The following SEMA3E variants were observed in gnomAD, a reference collection of about 807,000 sequenced individuals.
SEMA3E encodes the protein semaphorin 3E.
A neutral mutation model predicts 93.6 loss-of-function variants in SEMA3E; 49 were observed. The observed-to-expected ratio is 0.52, with a 90% confidence interval of 0.42 to 0.66. The LOEUF is 0.66. Ranked by LOEUF, SEMA3E falls within the 30% of genes least tolerant of loss-of-function variation. SEMA3E has a pLI of 0.00. For synonymous variants in SEMA3E, 363 were observed against 330.7 expected, an observed-to-expected ratio of 1.10 and a Z score of -1.06; for missense variants, 906 against 964.8, an observed-to-expected ratio of 0.94 and a Z score of 0.81.
At chr7:83,609,313 G>A (rs1793196359) in intron 1 of SEMA3E, among the ~76,000 whole-genome samples, 2 of 151,722 alleles carry the variant, frequency 1.3e-5, no homozygotes, top group Non-Finnish European at 2.9e-5. Context: ...ATTATGATAC[G>A]GATCAGGCAC....
chr7:83,565,435 T>C (rs186164934), intron 1 of SEMA3E, among the ~76,000 whole-genome samples: 1 of 151,978 alleles, frequency 6.6e-6, no homozygotes, highest in Non-Finnish European at 1.5e-5. Context: ...GATGGGTCAA[T>C]AGGTGCAAGA....
At chr7:83,552,015 A>G (rs574911804) in intron 1 of SEMA3E, among the ~76,000 whole-genome samples, 40 of 152,354 alleles carry the variant, frequency 2.6e-4, no homozygotes, top group African/African-American at 9.4e-4. Flanking sequence ...TATACATGAA[A>G]AATGACTCAA....
intron 11 of SEMA3E, among the ~76,000 whole-genome samples, chr7:83,398,798 G>A (rs1788178155): frequency 6.6e-6 from 1 of 152,070 alleles, no homozygotes; most frequent in Admixed American, 6.6e-5. Flanking sequence ...TACAAAATTA[G>A]GCGGGCATGG....
Position 83,394,298 on chromosome 7 carries a change from C to T in SEMA3E, c.1499G>A (p.Arg500Gln), listed in dbSNP as rs752160300. 1.5e-5 allele frequency: 25 copies of T among 1,612,952 alleles called. No homozygotes were observed. The South Asian group carries it at 2.0e-4, about 13-fold the overall frequency. Residue 500 changes from arginine (R) to glutamine (Q), a missense_variant and splice_region_variant, in exon 13 of 17, where the codon CGG (arginine) becomes CAG (glutamine). Coordinates refer to ENST00000643230, the MANE Select transcript of SEMA3E (RefSeq NM_012431.3). The part of the protein sequence containing the change: ...PIISMEISSK[R>Q]QQLYIGSASA... Reference sequence around the variant, plus strand: ...CACACACACACACACAGAACTTACCCGCTTTGAAGAAATCTCCATAGAAAT... The same window carrying T: ...CACACACACACACACAGAACTTACCTGCTTTGAAGAAATCTCCATAGAAAT...
chr7:83,387,179 A>C, intron 14 of SEMA3E, 129 bp from the exon 15 acceptor site: 1 of 776,696 alleles, frequency 1.3e-6, no homozygotes, highest in Non-Finnish European at 2.1e-6. Context: ...ATGAAAAAAG[A>C]ATAAAATCCA....
intron 16 of SEMA3E, among the ~76,000 whole-genome samples, chr7:83,368,888 A>T (rs1406586395): frequency 1.3e-5 from 2 of 152,198 alleles, no homozygotes; most frequent in Non-Finnish European, 2.9e-5. Context: ...GTTAGAGTCA[A>T]ATATTGCCAC....
chr7:83,579,222 G>T (rs991163878), intron 1 of SEMA3E, among the ~76,000 whole-genome samples: 1 of 152,026 alleles, frequency 6.6e-6, no homozygotes, highest in Admixed American at 6.6e-5. Flanking sequence ...AAAATGATTG[G>T]TTATTTATTA....
chr7:83,602,242 C>G (rs1341588498), intron 1 of SEMA3E, among the ~76,000 whole-genome samples: 2 of 152,106 alleles, frequency 1.3e-5, no homozygotes, highest in Non-Finnish European at 2.9e-5. Context: ...AAGTAGATAA[C>G]ACCAATAAGA....
chr7:83,518,584 T>C (rs1790981941), intron 1 of SEMA3E, among the ~76,000 whole-genome samples: 1 of 152,166 alleles, frequency 6.6e-6, no homozygotes, highest in Non-Finnish European at 1.5e-5. Flanking sequence ...ATAAAGATGA[T>C]AGTATTTGCC....
In SEMA3E at chr7:83,462,712, T is replaced by A. The variant is rs563067915; in HGVS notation, c.456+3770A>T. ...CTGTTATCACTCGCCTGCTACAGCA[T>A]GTCCTTTTAAAGCCTATAAACTCTC... On this transcript the variant is annotated intron_variant, in intron 4 of 16. Coordinates refer to ENST00000643230, the MANE Select transcript of SEMA3E (RefSeq NM_012431.3). Among the ~76,000 whole-genome samples the A allele has an allele frequency of 3.3e-4, 50 of 150,034 alleles. 1 individual carries two copies. Among genetic ancestry groups the A allele is most frequent in the Admixed American group, 1.6e-3 (24 of 15,050 alleles).
chr7:83,593,232 C>A (rs1792788635), intron 1 of SEMA3E, among the ~76,000 whole-genome samples: 2 of 145,946 alleles, frequency 1.4e-5, no homozygotes, highest in East Asian at 4.3e-4. Context: ...CTCTCTCTCT[C>A]TCTCTTTCGC....
At chr7:83,620,309 G>A (rs188484562) in intron 1 of SEMA3E, among the ~76,000 whole-genome samples, 1 of 151,866 alleles carries the variant, frequency 6.6e-6, no homozygotes, top group African/African-American at 2.4e-5. Flanking sequence ...ACCTAATATT[G>A]AGAATAAAAA....
chr7:83,486,180 C>T (rs61086658), intron 2 of SEMA3E, among the ~76,000 whole-genome samples: 4,394 of 152,110 alleles, frequency 0.029, 91 homozygotes, highest in African/African-American at 0.06. Flanking sequence ...ATATGTTTGT[C>T]TTCATTTAGA....
At chr7:83,505,398 A>T (rs1182558375) in intron 1 of SEMA3E, among the ~76,000 whole-genome samples, 1 of 152,196 alleles carries the variant, frequency 6.6e-6, no homozygotes, top group Non-Finnish European at 1.5e-5. Context: ...AGGAGATCAT[A>T]TCCCTAAAAA....
In SEMA3E at chr7:83,466,256, A is replaced by G. The variant is rs77575170; in HGVS notation, c.456+226T>C. On this transcript the variant is annotated intron_variant, in intron 4 of 16. Transcript: ENST00000643230. The stretch of plus-strand genomic sequence containing the variant: ...TCTTAGTGGGCAAATTAAGCAAATA[A>G]AATTATTAAGTGAATTGAGTGCATA... Among the ~76,000 whole-genome samples the G allele has an allele frequency of 0.013, 2,040 of 152,302 alleles. 56 individuals are homozygous for G. The highest frequency in any genetic ancestry group is 0.046 in the African/African-American group (1,931 of 41,562).
At chr7:83,433,089 A>G (rs1262573888) in intron 4 of SEMA3E, among the ~76,000 whole-genome samples, 1 of 152,110 alleles carries the variant, frequency 6.6e-6, no homozygotes, top group East Asian at 1.9e-4. Flanking sequence ...AATTTTAACT[A>G]CATTAATTTT....
intron 1 of SEMA3E, among the ~76,000 whole-genome samples, chr7:83,604,843 T>C (rs1793077969): frequency 6.6e-6 from 1 of 152,020 alleles, no homozygotes; most frequent in Non-Finnish European, 1.5e-5. Context: ...GTCCATGAGT[T>C]CTCATTATTC....
intron 1 of SEMA3E, among the ~76,000 whole-genome samples, chr7:83,615,018 A>C (rs1268779230): frequency 3.3e-5 from 5 of 152,184 alleles, no homozygotes; most frequent in Non-Finnish European, 5.9e-5. Flanking sequence ...CATCCACTTT[A>C]AATAGAGCAG....
chr7:83,613,104 A>T (rs1393288301), intron 1 of SEMA3E, among the ~76,000 whole-genome samples: 1 of 152,084 alleles, frequency 6.6e-6, no homozygotes, highest in Non-Finnish European at 1.5e-5. Context: ...GTACAACAAA[A>T]GCATTGAGAT....
Sources: allele counts gnomAD v4.1 joint callset (sites outside exome capture counted in the v4.1 genomes callset), GRCh38; gene constraint gnomAD v4.1.1; transcripts MANE v1.5; gene names NCBI Gene and HGNC (gene_info 2026-07-23, HGNC 2026-07-21).